The following FSTL5 variants were observed in gnomAD, a reference collection of about 807,000 sequenced individuals.
FSTL5 encodes follistatin like 5.
A neutral mutation model predicts 89.1 loss-of-function variants in FSTL5; 62 were observed. That is an observed-to-expected ratio of 0.70 (90% CI 0.57 to 0.86). The LOEUF is 0.86. FSTL5 is among the 40% of genes least tolerant of loss of function. The probability of loss-of-function intolerance (pLI) is 0.00; values close to 1 mark genes in which losing one functional copy is unlikely to be tolerated. For missense variants in FSTL5, 1,057 were observed against 1,001.6 expected, an observed-to-expected ratio of 1.06 and a Z score of -0.75; for synonymous variants, 383 against 346.2, an observed-to-expected ratio of 1.11 and a Z score of -1.18.
At chr4:161,922,058 T>C (rs928571792) in intron 3 of FSTL5, among the ~76,000 whole-genome samples, 1 of 152,024 alleles carries the variant, frequency 6.6e-6, no homozygotes, top group African/African-American at 2.4e-5. Context: ...GAATTTAAAT[T>C]AGCAAAATTA....
At chr4:162,105,871 A>G (rs1313231865) in intron 2 of FSTL5, among the ~76,000 whole-genome samples, 2 of 152,164 alleles carry the variant, frequency 1.3e-5, no homozygotes, top group African/African-American at 4.8e-5. Flanking sequence ...CAGCAATCAC[A>G]TACGTCAGAA....
At chr4:161,777,243 GTA>G (rs4065063) in intron 4 of FSTL5, among the ~76,000 whole-genome samples, 57 of 145,016 alleles carry the variant, frequency 3.9e-4, no homozygotes, top group African/African-American at 1.4e-3. Context: ...ATTTCATTGT[GTA>G]TATATATATA....
At chr4:162,030,654 C>T (rs1259815751) in intron 3 of FSTL5, among the ~76,000 whole-genome samples, 2 of 152,058 alleles carry the variant, frequency 1.3e-5, no homozygotes, top group African/African-American at 4.8e-5. Context: ...TGCAAGAGTG[C>T]AAGAGCACAG....
At chr4:161,710,988 G>A (rs773476469) in intron 6 of FSTL5, among the ~76,000 whole-genome samples, 2 of 152,132 alleles carry the variant, frequency 1.3e-5, no homozygotes, top group Non-Finnish European at 2.9e-5. Flanking sequence ...AATAATTGCA[G>A]ATGAATGAAA....
intron 8 of FSTL5, among the ~76,000 whole-genome samples, chr4:161,579,578 A>G (rs377074728): frequency 3.3e-5 from 5 of 152,166 alleles, no homozygotes; most frequent in Admixed American, 1.3e-4. Context: ...TTAGCTGGGC[A>G]TGGTGGCAGG....
intron 2 of FSTL5, among the ~76,000 whole-genome samples, chr4:162,090,055 T>C (rs1157692550): frequency 6.6e-6 from 1 of 152,094 alleles, no homozygotes; most frequent in African/African-American, 2.4e-5. Flanking sequence ...AATTATTAAA[T>C]CTGGACCCCT....
At chr4:161,784,506 TTAACAC>T (rs1465884988) in intron 4 of FSTL5, among the ~76,000 whole-genome samples, 1 of 152,158 alleles carries the variant, frequency 6.6e-6, no homozygotes, top group Non-Finnish European at 1.5e-5. Flanking sequence ...TTAGTGCTCT[TTAACAC>T]TAAACATCTT....
At chr4:161,730,288 G>T (rs1739562200) in intron 6 of FSTL5, among the ~76,000 whole-genome samples, 1 of 151,952 alleles carries the variant, frequency 6.6e-6, no homozygotes, top group African/African-American at 2.4e-5. Flanking sequence ...TAGTGTCAAA[G>T]AAATTACAAA....
intron 4 of FSTL5, among the ~76,000 whole-genome samples, chr4:161,785,323 G>T (rs1210833238): frequency 6.6e-6 from 1 of 152,190 alleles, no homozygotes; most frequent in Non-Finnish European, 1.5e-5. Flanking sequence ...CAGGAGGACA[G>T]CCTGCCTACA....
At chr4:161,952,485 T>C (rs1223737506) in intron 3 of FSTL5, among the ~76,000 whole-genome samples, 1 of 151,980 alleles carries the variant, frequency 6.6e-6, no homozygotes, top group Non-Finnish European at 1.5e-5. Context: ...TAGCCAAAGC[T>C]TCAAAATATG....
intron 15 of FSTL5, among the ~76,000 whole-genome samples, chr4:161,413,660 A>G (rs754692871): frequency 1.3e-5 from 2 of 152,206 alleles, no homozygotes; most frequent in Non-Finnish European, 2.9e-5. Flanking sequence ...TAGCAAAGAC[A>G]TGAAAGCTAC....
intron 1 of FSTL5, among the ~76,000 whole-genome samples, chr4:162,124,841 A>G (rs1037583869): frequency 3.7e-4 from 56 of 152,198 alleles, no homozygotes; most frequent in Non-Finnish European, 4.4e-4. Context: ...CTGGGACTAC[A>G]GGCGCCCGCC....
At chr4:161,621,706 A>G (rs1578974644) in intron 7 of FSTL5, among the ~76,000 whole-genome samples, 1 of 152,140 alleles carries the variant, frequency 6.6e-6, no homozygotes, top group East Asian at 1.9e-4. Context: ...GGCCAGGCGC[A>G]ATGGCTCACA....
At chr4:161,692,062 G>A (rs13120491) in intron 6 of FSTL5, among the ~76,000 whole-genome samples, 42,346 of 151,592 alleles carry the variant, frequency 0.28, 6,608 homozygotes, top group Middle Eastern at 0.41. Flanking sequence ...ATTTCCTTTT[G>A]TACGTTTTTT....
chr4:161,541,825 A>G (rs1423603943), intron 9 of FSTL5, among the ~76,000 whole-genome samples: 2 of 152,032 alleles, frequency 1.3e-5, no homozygotes, highest in African/African-American at 4.8e-5. Context: ...CAATGAAAAA[A>G]AGGTTTGTGG....
In FSTL5 at chr4:161,529,138, G is replaced by C. The variant is rs1214434778; in HGVS notation, c.1312+9028C>G. Among the ~76,000 whole-genome samples the C allele has an allele frequency of 1.4e-5, 2 of 142,960 alleles. 1 individual carries two copies. The highest frequency in any genetic ancestry group is 3.1e-5 in the Non-Finnish European group (2 of 65,142). 93.8% of individuals were successfully genotyped at this position (142,960 alleles called of 152,430 possible). A position where few individuals can be genotyped will look rare whatever the true frequency, so the allele number is the denominator to read the frequency against. On this transcript the variant is annotated intron_variant, in intron 10 of 15. Transcript: ENST00000306100. Reference sequence around the variant, plus strand: ...ACAATAAAGATGCCCAGTAGTTTACGGTTGCTGAAAACCTGTCAATTTTAG... The same window carrying C: ...ACAATAAAGATGCCCAGTAGTTTACCGTTGCTGAAAACCTGTCAATTTTAG...
In FSTL5 at chr4:162,111,412, C is replaced by T. The variant is rs1561024970; in HGVS notation, c.-16G>A. The T allele has an allele frequency of 1.3e-6, 2 of 1,587,954 alleles. No homozygotes were observed. Among genetic ancestry groups the T allele is most frequent in the Non-Finnish European group, 1.7e-6 (2 of 1,164,236 alleles). On this transcript the variant is annotated splice_region_variant and 5_prime_UTR_variant, in exon 2 of 16. The change creates a new upstream start codon in the 5' untranslated region. Coordinates refer to ENST00000306100, the MANE Select transcript of FSTL5 (RefSeq NM_020116.5). ...ACTTAAACATCCTTATTGCTTTTCA[C>T]CTGTCAAAATTAAAATTGCAAGGAA...
chr4:161,638,273 G>A (rs906116428), intron 7 of FSTL5, among the ~76,000 whole-genome samples: 14 of 151,454 alleles, frequency 9.2e-5, no homozygotes, highest in Admixed American at 9.2e-4. Context: ...TTTGTCTGTT[G>A]TTGGTGTATA....
At chr4:161,476,181 T>TTTTTGG (rs1553990006) in intron 13 of FSTL5, among the ~76,000 whole-genome samples, 2 of 117,820 alleles carry the variant, frequency 1.7e-5, no homozygotes, top group Non-Finnish European at 3.4e-5. Context: ...TGGTTTTTTT[T>TTTTTGG]TTTTTTTGTT....
Sources: allele counts gnomAD v4.1 joint callset (sites outside exome capture counted in the v4.1 genomes callset), GRCh38; gene constraint gnomAD v4.1.1; transcripts MANE v1.5; gene names NCBI Gene and HGNC (gene_info 2026-07-23, HGNC 2026-07-21).